The following SKAP1 variants were observed in gnomAD, a reference collection of about 807,000 sequenced individuals.
The protein encoded by SKAP1 is src kinase-associated phosphoprotein 1.
Under a neutral mutation model 58.5 loss-of-function variants are expected in SKAP1, and 44 were observed. The observed-to-expected ratio is 0.75, with a 90% CI of 0.59 to 0.97. SKAP1 has a LOEUF of 0.97. Ranked by LOEUF, SKAP1 falls within the 50% of genes least tolerant of loss-of-function variation. SKAP1 has a pLI of 0.00. For synonymous variants in SKAP1, 127 were observed against 149.7 expected, an observed-to-expected ratio of 0.85 and a Z score of 1.11; for missense variants, 390 against 435.2, an observed-to-expected ratio of 0.90 and a Z score of 0.92.
chr17:48,222,812 T>A (rs1042197427), intron 4 of SKAP1, among the ~76,000 whole-genome samples: 2 of 151,262 alleles, frequency 1.3e-5, no homozygotes, highest in Non-Finnish European at 2.9e-5. Context: ...ACACCTGTAA[T>A]GCCAGCACTT....
intron 4 of SKAP1, among the ~76,000 whole-genome samples, chr17:48,260,718 C>A (rs974096248): frequency 1.3e-5 from 2 of 152,062 alleles, no homozygotes; most frequent in African/African-American, 2.4e-5. Flanking sequence ...TTATTTATAT[C>A]GGAATCACCA....
chr17:48,325,995 A>G (rs1258096619), intron 4 of SKAP1, among the ~76,000 whole-genome samples: 2 of 152,208 alleles, frequency 1.3e-5, no homozygotes, highest in Non-Finnish European at 2.9e-5. Flanking sequence ...CACACTTTGT[A>G]TTGTCAAAAA....
chr17:48,208,413 C>G (rs1274154872), intron 4 of SKAP1, among the ~76,000 whole-genome samples: 1 of 152,114 alleles, frequency 6.6e-6, no homozygotes, highest in Non-Finnish European at 1.5e-5. Context: ...ATCAGCTTTC[C>G]CCTTGAAGAC....
intron 4 of SKAP1, among the ~76,000 whole-genome samples, chr17:48,306,170 A>G (rs2066139358): frequency 6.6e-6 from 1 of 152,222 alleles, no homozygotes; most frequent in African/African-American, 2.4e-5. Flanking sequence ...AAATAACTGA[A>G]GTATGTATAG....
At chr17:48,347,860 G>A (rs931995200) in intron 3 of SKAP1, among the ~76,000 whole-genome samples, 2 of 151,758 alleles carry the variant, frequency 1.3e-5, no homozygotes, top group Non-Finnish European at 2.9e-5. Flanking sequence ...TAACCTGAAA[G>A]TGAGCTGCAA....
intron 1 of SKAP1, among the ~76,000 whole-genome samples, chr17:48,408,333 G>A (rs887830697): frequency 3.9e-5 from 6 of 152,072 alleles, no homozygotes; most frequent in South Asian, 2.1e-4. Context: ...GAAAGTTGCC[G>A]AAATGTTTTT....
intron 4 of SKAP1, among the ~76,000 whole-genome samples, chr17:48,234,714 C>CT (rs375108928): frequency 1.7e-3 from 252 of 149,464 alleles, no homozygotes; most frequent in African/African-American, 5.5e-3. Flanking sequence ...TTTCAAGGCA[C>CT]TTTTTTTTTT....
intron 1 of SKAP1, among the ~76,000 whole-genome samples, chr17:48,428,121 A>G (rs2067873577): frequency 6.6e-6 from 1 of 152,212 alleles, no homozygotes; most frequent in Admixed American, 6.5e-5. Context: ...ATTTTTCAAT[A>G]GAATTACTGG....
intron 11 of SKAP1, among the ~76,000 whole-genome samples, chr17:48,141,079 G>A (rs1013910320): frequency 6.6e-5 from 10 of 151,912 alleles, no homozygotes; most frequent in Non-Finnish European, 1.0e-4. Context: ...GAGCCACTTC[G>A]CCCAGCCCCA....
At chr17:48,145,058 AC>A (rs1280244348) in intron 11 of SKAP1, among the ~76,000 whole-genome samples, 1 of 152,140 alleles carries the variant, frequency 6.6e-6, no homozygotes, top group Non-Finnish European at 1.5e-5. Context: ...TTAAAAAAAA[AC>A]CCACAAACCT....
In SKAP1 at chr17:48,401,747, G is replaced by A. The variant is rs1014085674; in HGVS notation, c.47-4962C>T. Among the ~76,000 whole-genome samples, 3 of 151,266 alleles carry A rather than the reference G, an allele frequency of 2.0e-5. No individual in the cohort carries two copies. In the East Asian group the frequency reaches 5.8e-4, roughly 29 times the overall value. ...TAGATATGACACCAAGAAAAAAAAAGCAACCAAATACAAAAATAGACAAAC... is the reference window on the plus strand; with the variant it reads ...TAGATATGACACCAAGAAAAAAAAAACAACCAAATACAAAAATAGACAAAC... On this transcript the variant is annotated intron_variant, in intron 1 of 12. Transcript: ENST00000336915.
intron 1 of SKAP1, among the ~76,000 whole-genome samples, chr17:48,408,583 A>G (rs980115900): frequency 2.6e-5 from 4 of 152,340 alleles, no homozygotes; most frequent in African/African-American, 9.6e-5. Flanking sequence ...ATACATTAAA[A>G]TATTAATGTA....
intron 2 of SKAP1, among the ~76,000 whole-genome samples, chr17:48,389,491 C>T (rs2067319441): frequency 6.6e-6 from 1 of 152,204 alleles, no homozygotes; most frequent in African/African-American, 2.4e-5. Context: ...ATTCCTGTTG[C>T]CAAGGAGGCA....
intron 4 of SKAP1, among the ~76,000 whole-genome samples, chr17:48,240,181 G>GA (rs959938853): frequency 1.2e-4 from 18 of 145,940 alleles, no homozygotes; most frequent in Admixed American, 3.4e-4. Flanking sequence ...AGGGAGAAGG[G>GA]AAAAAAAAAA....
At chr17:48,377,263 G>A (rs1215294704) in intron 2 of SKAP1, 1 of 152,148 alleles carries the variant, frequency 6.6e-6, no homozygotes, top group East Asian at 1.9e-4. Flanking sequence ...GGGTTCGACT[G>A]AGGTTGAAGA....
intron 1 of SKAP1, among the ~76,000 whole-genome samples, chr17:48,408,628 C>T (rs2067620534): frequency 6.6e-6 from 1 of 152,032 alleles, no homozygotes; most frequent in African/African-American, 2.4e-5. Flanking sequence ...TGTTTCAATA[C>T]TATTGTTTCA....
intron 9 of SKAP1, among the ~76,000 whole-genome samples, chr17:48,176,406 G>A (rs551331092): frequency 6.6e-6 from 1 of 152,322 alleles, no homozygotes; most frequent in African/African-American, 2.4e-5. Flanking sequence ...ATGGAATCTT[G>A]AATCATGGAG....
chr17:48,435,509 T>C, the SKAP1 span, among the ~76,000 whole-genome samples: 2 of 152,214 alleles, frequency 1.3e-5, no homozygotes, highest in Admixed American at 6.5e-5. Context: ...TTATAGACTA[T>C]AGACTATATA....
chr17:48,406,279 CA>C (rs201309622), intron 1 of SKAP1, among the ~76,000 whole-genome samples: 6 of 146,896 alleles, frequency 4.1e-5, no homozygotes, highest in African/African-American at 1.5e-4. Context: ...AACAAACAAA[CA>C]AAAAAACAAC....
Sources: allele counts gnomAD v4.1 joint callset (sites outside exome capture counted in the v4.1 genomes callset), GRCh38; gene constraint gnomAD v4.1.1; transcripts MANE v1.5; gene names NCBI Gene and HGNC (gene_info 2026-07-23, HGNC 2026-07-21).